The following ACAP2 variants were observed in gnomAD, a reference collection of about 807,000 sequenced individuals.
The protein encoded by ACAP2 is ArfGAP with coiled-coil, ankyrin repeat and PH domains 2, also known as arf-GAP with coiled-coil, ANK repeat and PH domain-containing protein 2.
Under a neutral mutation model 115.8 loss-of-function variants are expected in ACAP2, and 39 were observed. The observed-to-expected ratio is 0.34, with a 90% CI of 0.26 to 0.44. The LOEUF is 0.44. ACAP2 is among the 20% of genes least tolerant of loss of function. ACAP2 has a pLI of 1.00. For synonymous variants in ACAP2, 289 were observed against 315.8 expected, an observed-to-expected ratio of 0.92 and a Z score of 0.90; for missense variants, 662 against 927.6, an observed-to-expected ratio of 0.71 and a Z score of 3.72.
chr3:195,376,555 A>G (rs1335743772), intron 4 of ACAP2, among the ~76,000 whole-genome samples: 3 of 152,152 alleles, frequency 2.0e-5, no homozygotes, highest in African/African-American at 7.2e-5. Flanking sequence ...AAAAACAACA[A>G]CAACAACAAA....
chr3:195,377,942 C>T (rs1035982168), intron 4 of ACAP2, among the ~76,000 whole-genome samples: 4 of 151,872 alleles, frequency 2.6e-5, no homozygotes, highest in Admixed American at 6.6e-5. Flanking sequence ...TCCAGGCAGA[C>T]GGACAAAAAG....
At chr3:195,291,644 A>C in intron 20 of ACAP2, 62 bp downstream of exon 20, 1 of 1,420,260 alleles carries the variant, frequency 7.0e-7, no homozygotes, top group Non-Finnish European at 9.6e-7. Flanking sequence ...GAAAAACTAA[A>C]ACATTAATTC....
intron 4 of ACAP2, among the ~76,000 whole-genome samples, chr3:195,353,060 A>C (rs1731716335): frequency 6.7e-6 from 1 of 148,934 alleles, no homozygotes; most frequent in African/African-American, 2.5e-5. Flanking sequence ...AGCCTGGATG[A>C]CAGAGTGAGA....
intron 4 of ACAP2, among the ~76,000 whole-genome samples, chr3:195,350,907 T>C (rs189749553): frequency 4.2e-4 from 63 of 151,670 alleles, no homozygotes; most frequent in African/African-American, 1.3e-3. Context: ...CAAGAAAACA[T>C]TGAAAAAAAT....
intron 2 of ACAP2, among the ~76,000 whole-genome samples, chr3:195,385,105 G>A (rs1176545274): frequency 2.0e-5 from 3 of 151,698 alleles, no homozygotes; most frequent in African/African-American, 7.3e-5. Flanking sequence ...TAAAAAAAAA[G>A]ACTAAGGGAA....
intron 4 of ACAP2, chr3:195,349,664 AC>A (rs757886732): frequency 1.2e-5 from 2 of 169,484 alleles, no homozygotes; most frequent in Non-Finnish European, 2.5e-5. Context: ...GTCCAGCAGA[AC>A]GGCTCCACAA....
At chr3:195,418,591 C>T (rs929259971) in intron 1 of ACAP2, among the ~76,000 whole-genome samples, 2 of 152,144 alleles carry the variant, frequency 1.3e-5, no homozygotes, top group African/African-American at 4.8e-5. Context: ...GCCTCCACAC[C>T]CAGCTAACTT....
chr3:195,442,839 C>T lies in ACAP2; in HGVS notation c.9G>A (p.Met3Ile), dbSNP rs753325938. ...TCAGACACTCCTCGAAATCCACAGT[C>T]ATCTTCATCCTGCCTCCGCCTCGCA... Reference protein sequence around the residue: MKMTVDFEECLKD... With the variant: MKITVDFEECLKD... The change falls in exon 1 of 23, where the codon ATG becomes ATA. Residue 3 changes from methionine (M) to isoleucine (I), a missense_variant. Coordinates refer to ENST00000326793, the MANE Select transcript of ACAP2 (RefSeq NM_012287.6). 5.3e-6 allele frequency: 8 copies of T among 1,521,648 alleles called. No individual in the cohort carries two copies. Among genetic ancestry groups the T allele is most frequent in the Non-Finnish European group, 7.0e-6 (8 of 1,134,818 alleles). 94.3% of individuals were successfully genotyped at this position (1,521,648 alleles called of 1,614,324 possible).
intron 1 of ACAP2, among the ~76,000 whole-genome samples, chr3:195,435,704 C>T (rs925107708): frequency 4.6e-5 from 7 of 152,080 alleles, no homozygotes; most frequent in Non-Finnish European, 8.8e-5. Flanking sequence ...CCCTTATGGT[C>T]AGAAAATATT....
rs762560167 is a variant in ACAP2 at position 195,278,263 on chromosome 3, G to A, written c.*1065C>T. ...TATACACGATATAATTTAAAAGAAT[G>A]TACACTGTGTACAAGTACACAAAAT... is the stretch of plus-strand genomic sequence containing the variant. On this transcript the variant is annotated 3_prime_UTR_variant, in exon 23 of 23. Coordinates refer to ENST00000326793, the MANE Select transcript of ACAP2 (RefSeq NM_012287.6). 4.6e-5 allele frequency: 7 copies of A among 152,022 alleles called. No individual in the cohort carries two copies. The highest frequency in any genetic ancestry group is 1.0e-4 in the Non-Finnish European group (7 of 68,010). The allele number at this position is 152,022 out of a possible 1,614,324, so 9.4% of individuals were successfully genotyped here. A position where few individuals can be genotyped will look rare whatever the true frequency, so the allele number is the denominator to read the frequency against.
chr3:195,303,822 G>T (rs1728230221), intron 13 of ACAP2, among the ~76,000 whole-genome samples: 1 of 152,112 alleles, frequency 6.6e-6, no homozygotes, highest in Non-Finnish European at 1.5e-5. Context: ...GTGGTACTTA[G>T]ATCCTAAACA....
At chr3:195,395,896 TATCTA>T (rs1192698140) in intron 1 of ACAP2, among the ~76,000 whole-genome samples, 4 of 152,226 alleles carry the variant, frequency 2.6e-5, no homozygotes, top group Non-Finnish European at 5.9e-5. Context: ...TTCATTCTCT[TATCTA>T]TTCATGCATC....
chr3:195,384,168 T>C (rs576989907), intron 2 of ACAP2, among the ~76,000 whole-genome samples: 27 of 152,270 alleles, frequency 1.8e-4, no homozygotes, highest in African/African-American at 6.3e-4. Context: ...ATATGACACA[T>C]GTAAAGATAT....
intron 7 of ACAP2, among the ~76,000 whole-genome samples, chr3:195,333,998 T>C (rs994747028): frequency 6.6e-6 from 1 of 152,064 alleles, no homozygotes; most frequent in Non-Finnish European, 1.5e-5. Flanking sequence ...TGGGCAGAGA[T>C]TTGTCCAAGT....
chr3:195,384,990 T>C (rs1490745566), intron 2 of ACAP2, among the ~76,000 whole-genome samples: 1 of 152,166 alleles, frequency 6.6e-6, no homozygotes, highest in Admixed American at 6.5e-5. Flanking sequence ...CAACCTACTG[T>C]CATACTTAAA....
At chr3:195,391,529 G>C (rs1450628467) in intron 2 of ACAP2, among the ~76,000 whole-genome samples, 2 of 151,262 alleles carry the variant, frequency 1.3e-5, no homozygotes, top group African/African-American at 2.4e-5. Flanking sequence ...CCTGGCCCCA[G>C]AAAAAGCTTC....
chr3:195,428,190 T>G (rs1194072691), intron 1 of ACAP2, among the ~76,000 whole-genome samples: 1 of 151,508 alleles, frequency 6.6e-6, no homozygotes, highest in Non-Finnish European at 1.5e-5. Flanking sequence ...TATATATACA[T>G]ACATGTATAC....
intron 1 of ACAP2, chr3:195,442,375 AGAGGGGGTGGG>A (rs1218331902): frequency 8.9e-6 from 2 of 225,004 alleles, no homozygotes; most frequent in Non-Finnish European, 1.8e-5. Flanking sequence ...GCTCCCTCAA[AGAGGGGGTGGG>A]GAGGGGGTGG....
intron 10 of ACAP2, among the ~76,000 whole-genome samples, chr3:195,319,204 G>T (rs1729286923): frequency 6.6e-6 from 1 of 152,238 alleles, no homozygotes; most frequent in Admixed American, 6.5e-5. Context: ...AGGATGTATA[G>T]AAATGCTTGA....
Sources: allele counts gnomAD v4.1 joint callset (sites outside exome capture counted in the v4.1 genomes callset), GRCh38; gene constraint gnomAD v4.1.1; transcripts MANE v1.5; gene names NCBI Gene and HGNC (gene_info 2026-07-23, HGNC 2026-07-21).